Variants in ZNF548 observed in about 807,000 individuals in gnomAD.
ZNF548 encodes zinc finger protein 548.
A neutral mutation model predicts 10.2 loss-of-function variants in ZNF548; 10 were observed. That is an observed-to-expected ratio of 0.98 (90% CI 0.60 to 1.66). The LOEUF is 1.66. Among genes scored for constraint, ZNF548 ranks in the 40% most tolerant of loss-of-function variants. The pLI is 0.00. For missense variants in ZNF548, 599 were observed against 657.0 expected (o/e 0.91, Z 0.97); for synonymous variants, 217 against 223.5 (o/e 0.97, Z 0.26).
chr19:57,398,962 T>G lies in ZNF548; in HGVS notation c.711T>G (p.Tyr237Ter). ...HQKIHTGERS[Y>*]ECNKCGKFFK... Reference sequence around the variant, plus strand: ...AAATCCACACAGGAGAAAGGTCTTATGAATGTAACAAATGTGGGAAATTCT... The same window carrying G: ...AAATCCACACAGGAGAAAGGTCTTAGGAATGTAACAAATGTGGGAAATTCT... Residue 237 changes from tyrosine to a stop codon, truncating the protein, a stop_gained, in exon 4 of 4, where the codon TAT becomes TAG. Transcript: ENST00000336128. LOFTEE classifies it low-confidence loss of function (END_TRUNC). 6.2e-7 allele frequency: 1 copy of G among 1,614,122 alleles called. No homozygotes were observed. The highest frequency in any genetic ancestry group is 8.5e-7 in the Non-Finnish European group (1 of 1,179,940).
In ZNF548 at chr19:57,398,981, A is replaced by G; in HGVS notation, c.730A>G (p.Lys244Glu). 6.2e-7 allele frequency: 1 copy of G among 1,614,056 alleles called. No individual in the cohort carries two copies. The highest frequency in any genetic ancestry group is 8.5e-7 in the Non-Finnish European group (1 of 1,179,920). The change falls in exon 4 of 4, where the codon AAA becomes GAA. Residue 244 changes from lysine (K) to glutamate (E), a missense_variant. Physicochemically the swap from Lys to Glu is moderately conservative, Grantham distance 56. Transcript: ENST00000336128. ...ERSYECNKCG[K>E]FFKYSANFMK... ...GTCTTATGAATGTAACAAATGTGGG[A>G]AATTCTTTAAGTACAGTGCCAATTT...
chr19:57,391,478 C>T (rs758135193), intron 1 of ZNF548, among the ~76,000 whole-genome samples: 7 of 151,654 alleles, frequency 4.6e-5, no homozygotes, highest in Admixed American at 3.3e-4. Context: ...GGGTAGATGC[C>T]CAGTAGTGGA....
Position 57,400,792 on chromosome 19 carries a change from A to G in ZNF548, c.*903A>G, listed in dbSNP as rs1349593237. The G allele has an allele frequency of 1.3e-5, 2 of 152,288 alleles. No homozygotes were observed. The highest frequency in any genetic ancestry group is 3.9e-4 in the East Asian group (2 of 5,178). The allele number at this position is 152,288 out of a possible 1,614,324, so 9.4% of individuals were successfully genotyped here. A position where few individuals can be genotyped will look rare whatever the true frequency, so the allele number is the denominator to read the frequency against. On this transcript the variant is annotated 3_prime_UTR_variant, in exon 4 of 4. Transcript: ENST00000336128. ...TTCCATAGTACCTGTGCCATTTTAC[A>G]TTCCCACCAGCAGTGCACAAGGATT... is the stretch of plus-strand genomic sequence containing the variant.
chr19:57,401,256 A>G lies in ZNF548; in HGVS notation c.*1367A>G, dbSNP rs957146226. On this transcript the variant is annotated 3_prime_UTR_variant, in exon 4 of 4. Transcript: ENST00000336128. ...GGTTCTGTATTCATGGATCGAAGCA[A>G]CCATGGATCAAAAGTATTTGGAGCA... The G allele has an allele frequency of 1.3e-5, 2 of 152,184 alleles. No homozygotes were observed. The highest frequency in any genetic ancestry group is 4.8e-5 in the African/African-American group (2 of 41,452). The allele number at this position is 152,184 out of a possible 1,614,324, so 9.4% of individuals were successfully genotyped here.
At position 57,396,385 on chromosome 19, in the gene ZNF548, G is replaced by A. The variant is rs572516047; in HGVS notation, c.52-663G>A. Among the ~76,000 whole-genome samples the A allele has an allele frequency of 9.8e-5, 15 of 152,288 alleles. No homozygotes were observed. The East Asian group carries it at 2.9e-3, about 29-fold the overall frequency. On this transcript the variant is annotated intron_variant, in intron 2 of 3. Coordinates refer to ENST00000336128, the MANE Select transcript of ZNF548 (RefSeq NM_001172773.2). ...CTGTTTCCTCTGTGTGCTGGACACG[G>A]TGGCCAATGTCAATATGGAGAGAAA...
intron 3 of ZNF548, among the ~76,000 whole-genome samples, chr19:57,397,577 G>T (rs55706256): frequency 0.36 from 54,929 of 151,976 alleles, 10,202 homozygotes; most frequent in Non-Finnish European, 0.39. Context: ...TTTGGGGACT[G>T]CTGAGTTGAC....
chr19:57,393,393 G>A (rs1048791462), intron 1 of ZNF548, among the ~76,000 whole-genome samples: 1 of 151,992 alleles, frequency 6.6e-6, no homozygotes, highest in Non-Finnish European at 1.5e-5. Context: ...GGGTGTGGTG[G>A]CTCACACCTG....
chr19:57,391,401 T>C (rs1477807515), intron 1 of ZNF548, among the ~76,000 whole-genome samples: 2 of 152,180 alleles, frequency 1.3e-5, no homozygotes, highest in African/African-American at 4.8e-5. Flanking sequence ...TTCCCTATCT[T>C]TGCTATTGTG....
chr19:57,399,042 C>T lies in ZNF548; in HGVS notation c.791C>T (p.Thr264Ile), dbSNP rs2123046041. Residue 264 changes from threonine (T) to isoleucine (I), a missense_variant, in exon 4 of 4, where the codon ACT (threonine) becomes ATT (isoleucine). By Grantham distance (89) the Thr-to-Ile change is moderately conservative. Coordinates refer to ENST00000336128, the MANE Select transcript of ZNF548 (RefSeq NM_001172773.2). The surrounding 1 kb of genome is among the most constrained non-coding windows in gnomAD (Gnocchi z 4.0). ...CAGACAGTTCACACTAGTGAAAGGACTTATGAGTGCAGAGAATGTGGAAAA... is the reference window on the plus strand; with the variant it reads ...CAGACAGTTCACACTAGTGAAAGGATTTATGAGTGCAGAGAATGTGGAAAA... ...KHQTVHTSER[T>I]YECRECGKSF... 6.2e-7 allele frequency: 1 copy of T among 1,614,226 alleles called. No homozygotes were observed. Among genetic ancestry groups the T allele is most frequent in the Non-Finnish European group, 8.5e-7 (1 of 1,180,032 alleles).
intron 1 of ZNF548, among the ~76,000 whole-genome samples, chr19:57,391,166 C>T (rs1600084249): frequency 6.6e-6 from 1 of 152,112 alleles, no homozygotes; most frequent in South Asian, 2.1e-4. Flanking sequence ...ACTCTTTGTC[C>T]ATGTGTACAC....
At chr19:57,398,119 C>T (rs571643390) in intron 3 of ZNF548, among the ~76,000 whole-genome samples, 8 of 152,350 alleles carry the variant, frequency 5.3e-5, no homozygotes, top group African/African-American at 1.9e-4. Flanking sequence ...GAACCTTCTA[C>T]ACACTGCTTG....
chr19:57,392,416 A>C (rs2088633510), intron 1 of ZNF548, among the ~76,000 whole-genome samples: 1 of 152,146 alleles, frequency 6.6e-6, no homozygotes, highest in Non-Finnish European at 1.5e-5. Context: ...TTCTTCGTTC[A>C]GGTCTTACAT....
intron 2 of ZNF548, 62 bp downstream of exon 2, chr19:57,394,285 T>C (rs1187862474): frequency 1.3e-6 from 2 of 1,517,188 alleles, no homozygotes; most frequent in African/African-American, 2.7e-5. Flanking sequence ...TTTTGGCAGG[T>C]GACAAAACCT....
At position 57,399,001 on chromosome 19, in the gene ZNF548, C is replaced by A; in HGVS notation, c.750C>A (p.Ala250=). 6.2e-7 allele frequency: 1 copy of A among 1,614,054 alleles called. No individual in the cohort carries two copies. Among genetic ancestry groups the A allele is most frequent in the Non-Finnish European group, 8.5e-7 (1 of 1,179,944 alleles). ...GTGGGAAATTCTTTAAGTACAGTGC[C>A]AATTTCATGAAACATCAGACAGTTC... ...NKCGKFFKYS[A]NFMKHQTVHT... The change falls in exon 4 of 4, where the codon GCC becomes GCA. Residue 250 remains alanine, a synonymous_variant. Coordinates refer to ENST00000336128, the MANE Select transcript of ZNF548 (RefSeq NM_001172773.2). This position sits in a 1 kb window ranked among gnomAD's most constrained non-coding sequence, Gnocchi z 4.0.
Position 57,399,629 on chromosome 19 carries a change from C to G in ZNF548, c.1378C>G (p.Pro460Ala). The G allele has an allele frequency of 1.2e-6, 2 of 1,614,082 alleles. No homozygotes were observed. The highest frequency in any genetic ancestry group is 1.7e-6 in the Non-Finnish European group (2 of 1,179,994). ...KHWRNHTGER[P>A]YECRECGKAF... ...TTGGAGAAATCACACTGGAGAAAGG[C>G]CTTACGAGTGCAGAGAGTGTGGGAA... The change falls in exon 4 of 4, where the codon CCT (proline) becomes GCT (alanine). Residue 460 changes from proline to alanine, a missense_variant. Physicochemically the swap from Pro to Ala is conservative, Grantham distance 27 (BLOSUM62 -1). Coordinates refer to ENST00000336128, the MANE Select transcript of ZNF548 (RefSeq NM_001172773.2). This position sits in a 1 kb window ranked among gnomAD's most constrained non-coding sequence, Gnocchi z 4.0.
rs1481527924 is a variant in ZNF548 at position 57,400,437 on chromosome 19, T to TTTTG, written c.*556_*559dup. 1 of 152,342 alleles carries TTTTG rather than the reference T, an allele frequency of 6.6e-6. No individual in the cohort carries two copies. Among genetic ancestry groups the TTTTG allele is most frequent in the Non-Finnish European group, 1.5e-5 (1 of 68,418 alleles). The allele number at this position is 152,342 out of a possible 1,614,324, so 9.4% of individuals were successfully genotyped here. A position where few individuals can be genotyped will look rare whatever the true frequency, so the allele number is the denominator to read the frequency against. On this transcript the variant is annotated 3_prime_UTR_variant, in exon 4 of 4. Coordinates refer to ENST00000336128, the MANE Select transcript of ZNF548 (RefSeq NM_001172773.2). ...ATCATATAGGATTTCTATTTTTTTTTTTTGTTTGTTTTTGAGACAGAGTCT... is the reference window on the plus strand; with the variant it reads ...ATCATATAGGATTTCTATTTTTTTTTTTTGTTTGTTTGTTTTTGAGACAGAGTCT...
chr19:57,396,771 C>T, intron 2 of ZNF548: 1 of 358,442 alleles, frequency 2.8e-6, no homozygotes, highest in East Asian at 4.5e-5. Flanking sequence ...GGCTGGGCGT[C>T]AGGATAGTTT....
Position 57,397,104 on chromosome 19 carries a change from C to T in ZNF548, c.108C>T (p.His36=), listed in dbSNP as rs981997600. 7 of 1,613,456 alleles carry T rather than the reference C, an allele frequency of 4.3e-6. No individual in the cohort carries two copies. The highest frequency in any genetic ancestry group is 3.3e-5 in the Admixed American group (2 of 59,900). ...ATTTCTCCCAGGAGGAGTGGGGGCA[C>T]CTTGATGAGGCTCAGAGATTGCTGT... ...AIYFSQEEWG[H]LDEAQRLLYR... The change falls in exon 3 of 4, where the codon CAC becomes CAT. Residue 36 remains histidine, a synonymous_variant. Transcript: ENST00000336128.
chr19:57,393,296 C>G (rs932150085), intron 1 of ZNF548, among the ~76,000 whole-genome samples: 3 of 152,024 alleles, frequency 2.0e-5, no homozygotes, highest in African/African-American at 7.3e-5. Context: ...TGATTTAAAC[C>G]CCAATTAGAC....
Sources: gnomAD v4.1 joint callset for allele counts (sites outside exome capture counted in the v4.1 genomes callset) on GRCh38, gnomAD v4.1.1 for gene constraint, Gnocchi (gnomAD v3.1) non-coding constraint, MANE v1.5 for transcripts, NCBI Gene and HGNC (gene_info 2026-07-23, HGNC 2026-07-21) for gene names.